Variants in FAM78B observed in about 807,000 individuals in gnomAD.
FAM78B encodes the protein protein FAM78B.
Under a neutral mutation model 20.0 loss-of-function variants are expected in FAM78B, and 10 were observed. The ratio of observed to expected loss-of-function variants is 0.50; its 90% CI spans 0.31 to 0.85. The LOEUF (loss-of-function observed/expected upper bound fraction) is 0.85, where lower values mean the gene tolerates loss of function less well. Ranked by LOEUF, FAM78B falls within the 40% of genes least tolerant of loss-of-function variation. The pLI is 0.05. For synonymous variants in FAM78B, 135 were observed against 132.8 expected (o/e 1.02, Z -0.12); for missense variants, 283 against 345.0 (o/e 0.82, Z 1.42).
chr1:166,089,169 C>T (rs1049731879), intron 1 of FAM78B, among the ~76,000 whole-genome samples: 5 of 152,224 alleles, frequency 3.3e-5, no homozygotes, highest in African/African-American at 1.2e-4. Context: ...CATGCACCAC[C>T]TCCTCCCACG....
At chr1:166,109,882 G>GTATATATATATA (rs1274176169) in intron 1 of FAM78B, among the ~76,000 whole-genome samples, 1 of 12,250 alleles carries the variant, frequency 8.2e-5, no homozygotes, top group African/African-American at 1.5e-4. Flanking sequence ...ATATATATAT[G>GTATATATATATA]TATATATGTA....
chr1:166,074,428 C>T (rs1224806354), intron 1 of FAM78B, among the ~76,000 whole-genome samples: 7 of 152,258 alleles, frequency 4.6e-5, no homozygotes, highest in South Asian at 2.1e-4. Context: ...TATATTATAA[C>T]GATCTGTATG....
Position 166,070,353 on chromosome 1 carries a change from C to G in FAM78B, c.674G>C (p.Arg225Pro). ...TQQEQPRILS[R>P]MEPIPPNALV... Reference sequence around the variant, plus strand: ...TGCATTAGGGGGGATGGGTTCCATCCGGCTCAGGATCCGGGGCTGCTCCTG... The same window carrying G: ...TGCATTAGGGGGGATGGGTTCCATCGGGCTCAGGATCCGGGGCTGCTCCTG... The change falls in exon 2 of 2, where the codon CGG (arginine) becomes CCG (proline). Residue 225 changes from arginine (R) to proline (P), a missense_variant. Physicochemically the swap from Arg to Pro is moderately radical, Grantham distance 103 (BLOSUM62 -2). Coordinates refer to ENST00000354422, the MANE Select transcript of FAM78B (RefSeq NM_001017961.5). 1 of 1,612,738 alleles carries G rather than the reference C, an allele frequency of 6.2e-7. No individual in the cohort carries two copies.
chr1:166,166,373 C>G lies in FAM78B; in HGVS notation c.-125G>C. Reference sequence around the variant, plus strand: ...GCTCCCGGTCAGACTCAGCTCGCACCTAGGAGCGGGGAGCCGCCGGGCATC... The same window carrying G: ...GCTCCCGGTCAGACTCAGCTCGCACGTAGGAGCGGGGAGCCGCCGGGCATC... On this transcript the variant is annotated 5_prime_UTR_variant, in exon 1 of 2. Coordinates refer to ENST00000354422, the MANE Select transcript of FAM78B (RefSeq NM_001017961.5). The G allele has an allele frequency of 1.1e-6, 1 of 907,286 alleles. No individual in the cohort carries two copies. Among genetic ancestry groups the G allele is most frequent in the Non-Finnish European group, 1.3e-6 (1 of 748,352 alleles). The allele number at this position is 907,286 out of a possible 1,614,324, so 56.2% of individuals were successfully genotyped here.
intron 1 of FAM78B, among the ~76,000 whole-genome samples, chr1:166,098,124 G>C (rs1221601632): frequency 2.0e-5 from 3 of 152,124 alleles, no homozygotes; most frequent in African/African-American, 7.2e-5. Context: ...ACCCAGAAGA[G>C]AGACAACAAT....
At chr1:166,111,090 C>T (rs745599787) in intron 1 of FAM78B, among the ~76,000 whole-genome samples, 3 of 152,128 alleles carry the variant, frequency 2.0e-5, no homozygotes, top group Non-Finnish European at 4.4e-5. Flanking sequence ...GATAAGCTGA[C>T]GGGGCCACTG....
At chr1:166,084,237 ACTCTCTCTCT>A (rs372134890) in intron 1 of FAM78B, among the ~76,000 whole-genome samples, 5 of 125,414 alleles carry the variant, frequency 4.0e-5, no homozygotes, top group Admixed American at 2.5e-4. Context: ...ACACACACAC[ACTCTCTCTCT>A]CTCTCTCTCT....
At chr1:166,135,448 G>A (rs536678591) in intron 1 of FAM78B, among the ~76,000 whole-genome samples, 28 of 152,294 alleles carry the variant, frequency 1.8e-4, no homozygotes, top group Admixed American at 6.5e-4. Context: ...GATTCACATC[G>A]CACTACCTGA....
chr1:166,117,339 T>C (rs1270088183), intron 1 of FAM78B, among the ~76,000 whole-genome samples: 1 of 152,194 alleles, frequency 6.6e-6, no homozygotes, highest in East Asian at 1.9e-4. Context: ...GACTTCCAAA[T>C]AGCACACTTT....
exon 3 of FAM78B, chr1:166,058,038 G>A (rs1004488928): frequency 1.3e-5 from 2 of 151,660 alleles, no homozygotes; most frequent in African/African-American, 2.4e-5. Context: ...GTATAATGTA[G>A]GCAAGTGTGC....
intron 1 of FAM78B, among the ~76,000 whole-genome samples, chr1:166,160,740 T>C (rs758697210): frequency 6.6e-5 from 10 of 152,256 alleles, no homozygotes; most frequent in Admixed American, 1.3e-4. Context: ...ATCAAATGTT[T>C]CTTGAACATC....
chr1:166,094,289 G>A (rs1268710091), intron 1 of FAM78B, among the ~76,000 whole-genome samples: 1 of 152,184 alleles, frequency 6.6e-6, no homozygotes, highest in Non-Finnish European at 1.5e-5. Context: ...GATGGAGCAG[G>A]AGGCTGCAGT....
In FAM78B at chr1:166,070,385, C is replaced by T. The variant is rs367984984; in HGVS notation, c.642G>A (p.Arg214=). The T allele has an allele frequency of 1.2e-6, 2 of 1,614,058 alleles. No homozygotes were observed. Among genetic ancestry groups the T allele is most frequent in the Non-Finnish European group, 8.5e-7 (1 of 1,179,950 alleles). Residue 214 remains arginine, a synonymous_variant, in exon 2 of 2, where the codon AGG becomes AGA. Coordinates refer to ENST00000354422, the MANE Select transcript of FAM78B (RefSeq NM_001017961.5). ...LLGQRARLVG[R]TQQEQPRILS... ...GGATCCGGGGCTGCTCCTGCTGAGTCCTGCCCACCAGCCGGGCCCGCTGCC... is the reference window on the plus strand; with the variant it reads ...GGATCCGGGGCTGCTCCTGCTGAGTTCTGCCCACCAGCCGGGCCCGCTGCC...
chr1:166,076,597 C>T (rs1037549391), intron 1 of FAM78B, among the ~76,000 whole-genome samples: 2 of 152,306 alleles, frequency 1.3e-5, no homozygotes, highest in South Asian at 2.1e-4. Flanking sequence ...ATTTTGCTAA[C>T]GGTCTGTCTC....
intron 1 of FAM78B, among the ~76,000 whole-genome samples, chr1:166,104,298 CAG>C (rs1653672684): frequency 1.3e-5 from 2 of 152,130 alleles, no homozygotes; most frequent in South Asian, 4.1e-4. Context: ...TGGCACAAGA[CAG>C]GGATGCCCTC....
In FAM78B at chr1:166,109,894, A is replaced by ATG. The variant is rs1553219501; in HGVS notation, c.264-39132_264-39131insCA. Among the ~76,000 whole-genome samples the ATG allele has an allele frequency of 4.8e-4, 28 of 57,744 alleles. 3 individuals are homozygous for ATG. The highest frequency in any genetic ancestry group is 1.8e-3 in the South Asian group (3 of 1,668). 37.9% of individuals were successfully genotyped at this position (57,744 alleles called of 152,430 possible). A position where few individuals can be genotyped will look rare whatever the true frequency, so the allele number is the denominator to read the frequency against. On this transcript the variant is annotated intron_variant, in intron 1 of 1. Coordinates refer to ENST00000354422, the MANE Select transcript of FAM78B (RefSeq NM_001017961.5). ...TATATATATATATGTATATATGTAT[A>ATG]TATATATATATATATATATATATAT...
exon 3 of FAM78B, chr1:166,058,581 C>T (rs1442920190): frequency 1.3e-5 from 2 of 149,790 alleles, no homozygotes; most frequent in Admixed American, 6.7e-5. Context: ...TATGTATATA[C>T]CTGATATGGA....
intron 1 of FAM78B, among the ~76,000 whole-genome samples, chr1:166,079,163 C>T (rs1557891666): frequency 6.6e-6 from 1 of 152,026 alleles, no homozygotes; most frequent in Non-Finnish European, 1.5e-5. Flanking sequence ...GACTTCCTGG[C>T]CTCCAGGGAT....
Position 166,070,404 on chromosome 1 carries a change from C to T in FAM78B, c.623G>A (p.Arg208Gln), listed in dbSNP as rs775991053. 6.8e-6 allele frequency: 11 copies of T among 1,614,046 alleles called. No homozygotes were observed. Among genetic ancestry groups the T allele is most frequent in the African/African-American group, 5.3e-5 (4 of 74,922 alleles). Reference protein sequence around the residue: ...EVDPLQLLGQRARLVGRTQQE... With the variant: ...EVDPLQLLGQQARLVGRTQQE... ...CTGAGTCCTGCCCACCAGCCGGGCCCGCTGCCCCAAGAGCTGAAGAGGGTC... is the reference window on the plus strand; with the variant it reads ...CTGAGTCCTGCCCACCAGCCGGGCCTGCTGCCCCAAGAGCTGAAGAGGGTC... The change falls in exon 2 of 2, where the codon CGG (arginine) becomes CAG (glutamine). Residue 208 changes from arginine to glutamine, a missense_variant. By Grantham distance (43) the Arg-to-Gln change is conservative. Coordinates refer to ENST00000354422, the MANE Select transcript of FAM78B (RefSeq NM_001017961.5).
Sources: allele counts gnomAD v4.1 joint callset (sites outside exome capture counted in the v4.1 genomes callset), GRCh38; gene constraint gnomAD v4.1.1; transcripts MANE v1.5; gene names NCBI Gene and HGNC (gene_info 2026-07-23, HGNC 2026-07-21).